KCNN2: variants seen among roughly 807,000 people sequenced by gnomAD.
KCNN2 encodes the protein potassium calcium-activated channel subfamily N member 2.
In KCNN2, 24 loss-of-function variants were observed where a neutral mutation model predicts 55.5. That is an observed-to-expected ratio of 0.43 (90% CI 0.31 to 0.61). The LOEUF (loss-of-function observed/expected upper bound fraction) is 0.61, where lower values mean the gene tolerates loss of function less well. Among genes scored for constraint, KCNN2 ranks in the 20% least tolerant of loss-of-function variants. The pLI is 0.08. For missense variants in KCNN2, 754 were observed against 853.6 expected, an observed-to-expected ratio of 0.88 and a Z score of 1.45; for synonymous variants, 431 against 336.1, an observed-to-expected ratio of 1.28 and a Z score of -3.09.
At chr5:114,155,446 C>A (rs1201572279) in intron 1 of KCNN2, among the ~76,000 whole-genome samples, 2 of 152,102 alleles carry the variant, frequency 1.3e-5, no homozygotes, top group African/African-American at 2.4e-5. Context: ...ATTTTTAGGT[C>A]TTTGAGGAAT....
chr5:114,120,090 C>T (rs955504969), intron 1 of KCNN2, among the ~76,000 whole-genome samples: 3 of 152,106 alleles, frequency 2.0e-5, no homozygotes, highest in East Asian at 3.9e-4. Flanking sequence ...CATCATTTAT[C>T]CAGGAAGCTC....
At chr5:114,179,011 T>A (rs542379681) in intron 1 of KCNN2, among the ~76,000 whole-genome samples, 1 of 152,282 alleles carries the variant, frequency 6.6e-6, no homozygotes, top group Non-Finnish European at 1.5e-5. Flanking sequence ...CTTTTTGAGA[T>A]CCCTCCAAGA....
chr5:114,244,943 G>A (rs1279695665), intron 2 of KCNN2, among the ~76,000 whole-genome samples: 1 of 152,112 alleles, frequency 6.6e-6, no homozygotes, highest in Non-Finnish European at 1.5e-5. Context: ...TAACAATGCA[G>A]GTGAAACTCT....
intron 2 of KCNN2, among the ~76,000 whole-genome samples, chr5:114,265,035 G>A (rs1017101301): frequency 6.6e-6 from 1 of 152,118 alleles, no homozygotes; most frequent in Non-Finnish European, 1.5e-5. Context: ...TTTAAATAGA[G>A]ATTGCAGAGG....
chr5:114,374,639 A>T (rs1400940567), intron 2 of KCNN2, among the ~76,000 whole-genome samples: 9 of 152,136 alleles, frequency 5.9e-5, no homozygotes, highest in Admixed American at 5.9e-4. Flanking sequence ...GTTTTATTTC[A>T]AATAATCATT....
intron 2 of KCNN2, among the ~76,000 whole-genome samples, chr5:114,233,007 G>A (rs13166366): frequency 8.3e-6 from 1 of 120,818 alleles, no homozygotes; most frequent in South Asian, 3.1e-4. Flanking sequence ...TGCAAGCTCC[G>A]CCTCCCGGGT....
At chr5:114,093,179 G>T (rs996258362) in intron 1 of KCNN2, among the ~76,000 whole-genome samples, 1 of 152,016 alleles carries the variant, frequency 6.6e-6, no homozygotes, top group Non-Finnish European at 1.5e-5. Context: ...TTCTCTCTCT[G>T]CTCAAGATCT....
chr5:114,486,363 C>A (rs1304311655), intron 5 of KCNN2, among the ~76,000 whole-genome samples: 1 of 152,186 alleles, frequency 6.6e-6, no homozygotes, highest in Non-Finnish European at 1.5e-5. Context: ...ATCAAGAAAG[C>A]AAGTGACTAG....
intron 1 of KCNN2, among the ~76,000 whole-genome samples, chr5:114,093,193 G>C (rs1422240228): frequency 6.6e-6 from 1 of 152,122 alleles, no homozygotes; most frequent in Non-Finnish European, 1.5e-5. Flanking sequence ...AAGATCTCTA[G>C]GGCAGAGGCA....
chr5:114,121,346 G>C (rs1277164637), intron 1 of KCNN2, among the ~76,000 whole-genome samples: 2 of 152,130 alleles, frequency 1.3e-5, no homozygotes, highest in Admixed American at 1.3e-4. Context: ...ATTAGGCTAC[G>C]AGCATGGTGC....
intron 2 of KCNN2, among the ~76,000 whole-genome samples, chr5:114,270,255 A>G (rs1755300201): frequency 6.6e-6 from 1 of 152,238 alleles, no homozygotes; most frequent in Non-Finnish European, 1.5e-5. Context: ...CCAGTAAAGA[A>G]CAGTTTGCTT....
chr5:114,248,777 C>G (rs1472420379), intron 2 of KCNN2, among the ~76,000 whole-genome samples: 1 of 152,180 alleles, frequency 6.6e-6, no homozygotes, highest in Non-Finnish European at 1.5e-5. Context: ...TTTCTGACTT[C>G]CATTATACTG....
intron 3 of KCNN2, among the ~76,000 whole-genome samples, chr5:114,437,280 T>C (rs561170866): frequency 2.0e-5 from 3 of 152,022 alleles, no homozygotes; most frequent in African/African-American, 4.8e-5. Context: ...AGTCGAGGAA[T>C]TGAAAACAGT....
chr5:114,212,787 T>C lies in KCNN2; in HGVS notation c.-270-8693T>C, dbSNP rs572767942. 2.6e-5 allele frequency among the ~76,000 whole-genome samples: 4 copies of C among 152,198 alleles called. No homozygotes were observed. The South Asian group carries it at 8.3e-4, about 31-fold the overall frequency. On this transcript the variant is annotated intron_variant, in intron 1 of 10. Coordinates refer to the KCNN2 transcript ENST00000512097. ...GATTTTTATAAATAAGATGATCATA[T>C]ATCCAATTTGCCATTAGAGTCCAGA...
At chr5:114,255,278 G>A (rs1561542519) in intron 2 of KCNN2, among the ~76,000 whole-genome samples, 1 of 152,184 alleles carries the variant, frequency 6.6e-6, no homozygotes, top group Non-Finnish European at 1.5e-5. Context: ...CTATATGTAA[G>A]TATATACAAG....
At chr5:114,253,138 T>TTTTC (rs1374031699) in intron 2 of KCNN2, among the ~76,000 whole-genome samples, 1 of 150,522 alleles carries the variant, frequency 6.6e-6, no homozygotes, top group African/African-American at 2.4e-5. Flanking sequence ...CTTTCTTTTT[T>TTTTC]TTTTTTTCCT....
chr5:114,060,211 G>A (rs372787093), intron 1 of KCNN2, among the ~76,000 whole-genome samples: 2 of 152,256 alleles, frequency 1.3e-5, no homozygotes, highest in African/African-American at 2.4e-5. Flanking sequence ...TCTTGGTACT[G>A]GGATTGGGCA....
chr5:114,258,472 G>A (rs1755029661), intron 2 of KCNN2, among the ~76,000 whole-genome samples: 1 of 151,926 alleles, frequency 6.6e-6, no homozygotes, highest in Non-Finnish European at 1.5e-5. Context: ...ACTGGTTCTG[G>A]GCTTTTTTTT....
chr5:114,273,025 C>T (rs1218546038), intron 2 of KCNN2, among the ~76,000 whole-genome samples: 1 of 152,140 alleles, frequency 6.6e-6, no homozygotes, highest in Non-Finnish European at 1.5e-5. Flanking sequence ...TATCTCTCCC[C>T]TAGCCCAACA....
Sources: allele counts gnomAD v4.1 joint callset (sites outside exome capture counted in the v4.1 genomes callset), GRCh38; gene constraint gnomAD v4.1.1; transcripts MANE v1.5; gene names NCBI Gene and HGNC (gene_info 2026-07-23, HGNC 2026-07-21).